PSMG2: variants seen among roughly 807,000 people sequenced by gnomAD.
PSMG2 encodes the protein CD40 ligand-activated specific transcript 3.
Under a neutral mutation model 31.5 loss-of-function variants are expected in PSMG2, and 21 were observed. That is an observed-to-expected ratio of 0.67 (90% CI 0.47 to 0.96). The LOEUF (loss-of-function observed/expected upper bound fraction) is 0.96. Among genes scored for constraint, PSMG2 ranks in the 40% least tolerant of loss-of-function variants. The pLI is 0.00. For missense variants in PSMG2, 318 were observed against 321.2 expected, an observed-to-expected ratio of 0.99 and a Z score of 0.08; for synonymous variants, 120 against 110.4, an observed-to-expected ratio of 1.09 and a Z score of -0.54.
chr18:12,711,750 C>CTTTTTTTTTT (rs34631690), intron 2 of PSMG2, among the ~76,000 whole-genome samples: 1 of 97,572 alleles, frequency 1.0e-5, no homozygotes, highest in Non-Finnish European at 1.9e-5. Flanking sequence ...GCTTCTCATT[C>CTTTTTTTTTT]TTTTTTTTTT....
chr18:12,675,988 C>T (rs1466244659), intron 1 of PSMG2, among the ~76,000 whole-genome samples: 2 of 151,846 alleles, frequency 1.3e-5, no homozygotes, highest in East Asian at 1.9e-4. Flanking sequence ...ATTTATAACA[C>T]CAAAAGACCT....
chr18:12,678,165 C>G, intron 1 of PSMG2: 1 of 1,614,148 alleles, frequency 6.2e-7, no homozygotes, highest in Non-Finnish European at 8.5e-7. Flanking sequence ...TTACTTGTTA[C>G]TGACGCGTCA....
At chr18:12,701,155 C>G (rs1159694753), upstream of PSMG2, 6 of 1,471,750 alleles carry the variant, frequency 4.1e-6, no homozygotes, top group Non-Finnish European at 5.6e-6. Flanking sequence ...CATCACAAAG[C>G]AGTCAAATAC....
At chr18:12,696,510 A>G (rs1236644931) in intron 1 of PSMG2, among the ~76,000 whole-genome samples, 1 of 152,056 alleles carries the variant, frequency 6.6e-6, no homozygotes, top group Non-Finnish European at 1.5e-5. Context: ...TCAAATAATA[A>G]TAATAATAAT....
intron 1 of PSMG2, chr18:12,661,864 C>T (rs1178488093): frequency 1.2e-5 from 2 of 165,172 alleles, no homozygotes; most frequent in Non-Finnish European, 2.6e-5. Flanking sequence ...TATTTTTACT[C>T]TATGACTTCA....
At chr18:12,706,119 A>G (rs769767856) in intron 1 of PSMG2, among the ~76,000 whole-genome samples, 6 of 152,242 alleles carry the variant, frequency 3.9e-5, no homozygotes, top group Admixed American at 2.0e-4. Flanking sequence ...ATATCTAGCT[A>G]TGATGTTATG....
chr18:12,677,458 C>CA (rs71174127), intron 1 of PSMG2, among the ~76,000 whole-genome samples: 797 of 53,902 alleles, frequency 0.015, 83 homozygotes, highest in East Asian at 0.034. Context: ...GATTCCATCT[C>CA]AAAAAAAAAA....
intron 1 of PSMG2, among the ~76,000 whole-genome samples, chr18:12,660,765 T>TA (rs1481777937): frequency 4.6e-5 from 7 of 152,178 alleles, no homozygotes; most frequent in Admixed American, 4.6e-4. Flanking sequence ...CTTTTTTTTT[T>TA]ATTGCCAAGT....
chr18:12,718,712 TA>T, intron 4 of PSMG2, 77 bp downstream of exon 4: 1 of 1,098,332 alleles, frequency 9.1e-7, no homozygotes, highest in Non-Finnish European at 1.3e-6. Context: ...AGTTAAACTT[TA>T]AAAGCCACGT....
At chr18:12,664,718 A>T (rs964573990) in intron 1 of PSMG2, among the ~76,000 whole-genome samples, 1 of 146,510 alleles carries the variant, frequency 6.8e-6, no homozygotes, top group Non-Finnish European at 1.5e-5. Context: ...TTTTTTTTTA[A>T]GACGGGGTCT....
intron 2 of PSMG2, among the ~76,000 whole-genome samples, chr18:12,709,723 C>T (rs2145137147): frequency 6.6e-6 from 1 of 151,894 alleles, no homozygotes; most frequent in East Asian, 2.0e-4. Context: ...TGGTGTTGAA[C>T]TCCTGACCTC....
upstream of PSMG2, among the ~76,000 whole-genome samples, chr18:12,698,035 TTACAGGAATCA>T (rs1346074020): frequency 6.6e-6 from 1 of 151,822 alleles, no homozygotes. Flanking sequence ...TGTAAAACAA[TTACAGGAATCA>T]AGTAGCATAA....
chr18:12,693,566 C>T (rs979042278), intron 1 of PSMG2, among the ~76,000 whole-genome samples: 8 of 152,042 alleles, frequency 5.3e-5, no homozygotes, highest in Admixed American at 3.9e-4. Flanking sequence ...AGGCAGATCA[C>T]GAGGTCAAGA....
chr18:12,706,268 CCTGAGGTCA>C (rs1264574592), intron 1 of PSMG2, among the ~76,000 whole-genome samples: 1 of 152,126 alleles, frequency 6.6e-6, no homozygotes, highest in Non-Finnish European at 1.5e-5. Flanking sequence ...CGGTGGATCA[CCTGAGGTCA>C]GGAGTTTGAG....
chr18:12,700,900 T>C, upstream of PSMG2: 1 of 1,378,280 alleles, frequency 7.3e-7, no homozygotes. Flanking sequence ...TTATAAGTAG[T>C]GTTACGCATT....
At chr18:12,720,193 T>G (rs2040417444) in intron 4 of PSMG2, among the ~76,000 whole-genome samples, 1 of 152,106 alleles carries the variant, frequency 6.6e-6, no homozygotes, top group Admixed American at 6.5e-5. Context: ...GATGAAAAAA[T>G]ACCAACAAGC....
At chr18:12,715,834 C>T (rs1029291382) in intron 3 of PSMG2, among the ~76,000 whole-genome samples, 7 of 152,142 alleles carry the variant, frequency 4.6e-5, no homozygotes, top group Non-Finnish European at 7.3e-5. Flanking sequence ...CGAAGTATGA[C>T]GTACATGAGA....
intron 2 of PSMG2, 107 bp downstream of exon 2, chr18:12,706,828 A>G: frequency 8.5e-7 from 1 of 1,181,602 alleles, no homozygotes; most frequent in Non-Finnish European, 1.2e-6. Context: ...ACTTAGTGCC[A>G]ACTTTGTGTA....
At chr18:12,719,732 G>A (rs1026871394) in intron 4 of PSMG2, among the ~76,000 whole-genome samples, 3 of 134,616 alleles carry the variant, frequency 2.2e-5, no homozygotes, top group African/African-American at 5.7e-5. Context: ...TTTTTGAGAC[G>A]GAGTCTTTCT....
Sources: gnomAD v4.1 joint callset for allele counts (sites outside exome capture counted in the v4.1 genomes callset) on GRCh38, gnomAD v4.1.1 for gene constraint, MANE v1.5 for transcripts, NCBI Gene and HGNC (gene_info 2026-07-23, HGNC 2026-07-21) for gene names.